CAB39L: variants seen among roughly 807,000 people sequenced by gnomAD.
CAB39L encodes the protein calcium binding protein 39 like, also known as calcium-binding protein 39-like.
Under a neutral mutation model 39.1 loss-of-function variants are expected in CAB39L, and 23 were observed. That is an observed-to-expected ratio of 0.59 (90% CI 0.42 to 0.83). CAB39L has a LOEUF of 0.83. Among genes scored for constraint, CAB39L ranks in the 40% least tolerant of loss-of-function variants. The pLI, the probability that CAB39L is intolerant of heterozygous loss-of-function variation, is 0.00. For missense variants in CAB39L, 366 were observed against 391.9 expected (o/e 0.93, Z 0.56); for synonymous variants, 126 against 137.2 (o/e 0.92, Z 0.57).
intron 1 of CAB39L, among the ~76,000 whole-genome samples, chr13:49,435,897 C>T (rs998054709): frequency 6.6e-6 from 1 of 152,162 alleles, no homozygotes; most frequent in African/African-American, 2.4e-5. Flanking sequence ...TGGAATTTTA[C>T]GAAGGTGTTT....
intron 5 of CAB39L, among the ~76,000 whole-genome samples, chr13:49,360,863 A>G (rs2138506610): frequency 6.6e-6 from 1 of 152,124 alleles, no homozygotes; most frequent in East Asian, 1.9e-4. Flanking sequence ...CCCTTCCGCC[A>G]TGATTGTAAG....
Position 49,350,919 on chromosome 13 carries a change from C to A in CAB39L, c.396-7G>T, listed in dbSNP as rs191587168. 3 of 1,557,154 alleles carry A rather than the reference C, an allele frequency of 1.9e-6. No individual in the cohort carries two copies. The highest frequency in any genetic ancestry group is 1.4e-5 in the African/African-American group (1 of 72,196). ...AATCTGTGGGGCTTCATATCTAAAG[C>A]GTAAACAAGAGAGAAATAGAGAACT... On this transcript the variant is annotated splice_region_variant and splice_polypyrimidine_tract_variant and intron_variant, in intron 6 of 10. Transcript: ENST00000409308.
intron 10 of CAB39L, among the ~76,000 whole-genome samples, chr13:49,329,544 A>AAT (rs1179579885): frequency 8.0e-4 from 27 of 33,790 alleles, no homozygotes; most frequent in South Asian, 1.3e-3. Context: ...TAAAAAAAAA[A>AAT]ATATATATAT....
chr13:49,357,882 A>C (rs1423364224), intron 6 of CAB39L, among the ~76,000 whole-genome samples: 1 of 152,150 alleles, frequency 6.6e-6, no homozygotes, highest in Non-Finnish European at 1.5e-5. Flanking sequence ...AGTATTTCCA[A>C]CTTCATACGG....
chr13:49,426,290 A>G (rs1957243680), intron 3 of CAB39L, among the ~76,000 whole-genome samples: 1 of 152,182 alleles, frequency 6.6e-6, no homozygotes, highest in Non-Finnish European at 1.5e-5. Flanking sequence ...AGAAACTTAG[A>G]TCTTTCTTAA....
chr13:49,319,414 G>C (rs1239279843), intron 10 of CAB39L, among the ~76,000 whole-genome samples: 2 of 152,076 alleles, frequency 1.3e-5, no homozygotes, highest in African/African-American at 4.8e-5. Context: ...CCAGAAAGCA[G>C]ACTAATGATC....
chr13:49,404,911 G>A (rs1956840102), intron 3 of CAB39L, among the ~76,000 whole-genome samples: 1 of 152,130 alleles, frequency 6.6e-6, no homozygotes, highest in Non-Finnish European at 1.5e-5. Context: ...TAAAAATAAT[G>A]TAGCATGCCT....
At chr13:49,402,980 T>A (rs1026725255) in intron 3 of CAB39L, among the ~76,000 whole-genome samples, 1 of 151,688 alleles carries the variant, frequency 6.6e-6, no homozygotes, top group Non-Finnish European at 1.5e-5. Flanking sequence ...ACTCCGAGAG[T>A]TGTAGTATAA....
chr13:49,443,756 T>TCAC (rs985297843), intron 1 of CAB39L, among the ~76,000 whole-genome samples: 11 of 151,388 alleles, frequency 7.3e-5, no homozygotes, highest in Admixed American at 1.3e-4. Flanking sequence ...ACCACAACCA[T>TCAC]CACCACCACC....
chr13:49,396,639 C>T (rs550181028), intron 3 of CAB39L, among the ~76,000 whole-genome samples: 153 of 151,778 alleles, frequency 1.0e-3, no homozygotes, highest in South Asian at 9.8e-3. Context: ...ACCCAGAAGG[C>T]GGAGGTTGCA....
At position 49,375,178 on chromosome 13, in the gene CAB39L, T is replaced by A. The variant is rs527740447; in HGVS notation, c.276+1789A>T. 2.3e-3 allele frequency among the ~76,000 whole-genome samples: 352 copies of A among 152,268 alleles called. 3 individuals are homozygous for A. Among genetic ancestry groups the A allele is most frequent in the Non-Finnish European group, 4.5e-3 (307 of 68,020 alleles). On this transcript the variant is annotated intron_variant, in intron 5 of 10. Transcript: ENST00000409308. ...CTATATAACACAACATATATATGTATATATTTTTATTTAGTTTAATATTTA... is the reference window on the plus strand; with the variant it reads ...CTATATAACACAACATATATATGTAAATATTTTTATTTAGTTTAATATTTA...
intron 4 of CAB39L, among the ~76,000 whole-genome samples, chr13:49,381,851 T>G (rs1956259124): frequency 6.6e-6 from 1 of 152,240 alleles, no homozygotes; most frequent in Non-Finnish European, 1.5e-5. Flanking sequence ...GGTGCAGATG[T>G]GCAAGAATAC....
At chr13:49,348,031 T>C (rs1393591141) in intron 7 of CAB39L, among the ~76,000 whole-genome samples, 13 of 152,126 alleles carry the variant, frequency 8.5e-5, no homozygotes, top group Admixed American at 8.5e-4. Context: ...TGTGGGCTCC[T>C]CCTCTCTTCC....
At chr13:49,399,474 G>T (rs1462003279) in intron 3 of CAB39L, among the ~76,000 whole-genome samples, 5 of 151,860 alleles carry the variant, frequency 3.3e-5, no homozygotes, top group African/African-American at 1.2e-4. Context: ...TTCGTCATTG[G>T]AATTGACTTT....
chr13:49,350,986 C>G, intron 6 of CAB39L, 74 bp from the exon 7 acceptor site: 2 of 1,066,504 alleles, frequency 1.9e-6, no homozygotes. Flanking sequence ...TCAAAAGAAC[C>G]ATTTCAATAC....
At chr13:49,432,705 C>T (rs575181222) in intron 3 of CAB39L, among the ~76,000 whole-genome samples, 2 of 152,022 alleles carry the variant, frequency 1.3e-5, no homozygotes, top group Admixed American at 1.3e-4. Context: ...AGACTGAGGT[C>T]CAATTTAAAT....
intron 5 of CAB39L, among the ~76,000 whole-genome samples, chr13:49,361,555 AGAAAGAAAAGAAAGAAAG>A (rs2138509675): frequency 2.6e-5 from 2 of 77,312 alleles, no homozygotes; most frequent in South Asian, 7.0e-4. Flanking sequence ...AGAGAGAAAG[AGAAAGAAAAGAAAGAAAG>A]AAAGAAAGAA....
intron 5 of CAB39L, among the ~76,000 whole-genome samples, chr13:49,372,410 G>A (rs1340015979): frequency 6.6e-6 from 1 of 152,150 alleles, no homozygotes; most frequent in East Asian, 1.9e-4. Flanking sequence ...CCCTACCCCA[G>A]TGGGCCACTT....
chr13:49,434,151 T>A lies in CAB39L; in HGVS notation c.-173A>T, dbSNP rs149190047. The A allele has an allele frequency of 1.7e-4, 78 of 457,000 alleles. No homozygotes were observed. Among genetic ancestry groups the A allele is most frequent in the Non-Finnish European group, 3.0e-4 (68 of 227,028 alleles). 28.3% of individuals were successfully genotyped at this position (457,000 alleles called of 1,614,324 possible). ...ACAAACCACTGATTTGGGGTTCGCA[T>A]CTTTACGTTCTGAACAGCAACTTAG... On this transcript the variant is annotated 5_prime_UTR_variant, in exon 2 of 11. The change abolishes an upstream ATG in the 5' untranslated region. Transcript: ENST00000409308.
Sources: gnomAD v4.1 joint callset for allele counts (sites outside exome capture counted in the v4.1 genomes callset) on GRCh38, gnomAD v4.1.1 for gene constraint, MANE v1.5 for transcripts, NCBI Gene and HGNC (gene_info 2026-07-23, HGNC 2026-07-21) for gene names.